The following RNF144B variants were observed in gnomAD, a reference collection of about 807,000 sequenced individuals.
RNF144B encodes ring finger protein 144B.
A neutral mutation model predicts 40.2 loss-of-function variants in RNF144B; 25 were observed. That is an observed-to-expected ratio of 0.62 (90% CI 0.45 to 0.87). The LOEUF is 0.87. Among genes scored for constraint, RNF144B ranks in the 40% least tolerant of loss-of-function variants. The pLI is 0.00. For synonymous variants in RNF144B, 145 were observed against 136.3 expected (o/e 1.06, Z -0.44); for missense variants, 365 against 373.7 (o/e 0.98, Z 0.19).
In RNF144B at chr6:18,465,727, G is replaced by C. The variant is rs2113545049; in HGVS notation, c.*660G>C. 1 of 152,348 alleles carries C rather than the reference G, an allele frequency of 6.6e-6. No individual in the cohort carries two copies. The highest frequency in any genetic ancestry group is 6.5e-5 in the Admixed American group (1 of 15,304). 9.4% of individuals were successfully genotyped at this position (152,348 alleles called of 1,614,324 possible). A position where few individuals can be genotyped will look rare whatever the true frequency, so the allele number is the denominator to read the frequency against. ...GTGCAGAGGGAGTTGCCCCTTCCCA[G>C]TAAAAGAGTTGCAGCCTGTTAAACA... is the stretch of plus-strand genomic sequence containing the variant. On this transcript the variant is annotated 3_prime_UTR_variant, in exon 8 of 8. Transcript: ENST00000259939.
rs925603783 is a variant in RNF144B, at chr6:18,460,989, T to C, written c.681+1238T>C. ...TTCTTTTCTCAGCTCTTTGTTTTGA[T>C]TGCTTGATTTGCTTTAATTCAACAA... On this transcript the variant is annotated intron_variant, in intron 6 of 7. Transcript: ENST00000259939. The surrounding 1 kb of genome is among the most constrained non-coding windows in gnomAD (Gnocchi z 4.4). Among the ~76,000 whole-genome samples, 1 of 152,222 alleles carries C rather than the reference T, an allele frequency of 6.6e-6. No homozygotes were observed. The highest frequency in any genetic ancestry group is 2.4e-5 in the African/African-American group (1 of 41,458).
In RNF144B at chr6:18,458,532, G is replaced by A. The variant is rs533616229; in HGVS notation, c.537-1075G>A. Among the ~76,000 whole-genome samples, 1 of 152,266 alleles carries A rather than the reference G, an allele frequency of 6.6e-6. No homozygotes were observed. Among genetic ancestry groups the A allele is most frequent in the African/African-American group, 2.4e-5 (1 of 41,562 alleles). On this transcript the variant is annotated intron_variant, in intron 5 of 7. Transcript: ENST00000259939. This position sits in a 1 kb window ranked among gnomAD's most constrained non-coding sequence, Gnocchi z 4.8. ...CCCTCTTAGCCGGATTCAAACCACTGTTGCCTACATTTTCGTGGCCATAGC... is the reference window on the plus strand; with the variant it reads ...CCCTCTTAGCCGGATTCAAACCACTATTGCCTACATTTTCGTGGCCATAGC...
rs1794467983 is a variant in RNF144B at position 18,387,394 on chromosome 6, G to A, written c.-273G>A. 1 of 1,159,966 alleles carries A rather than the reference G, an allele frequency of 8.6e-7. No individual in the cohort carries two copies. The highest frequency in any genetic ancestry group is 1.1e-6 in the Non-Finnish European group (1 of 924,210). The allele number at this position is 1,159,966 out of a possible 1,614,324, so 71.9% of individuals were successfully genotyped here. A position where few individuals can be genotyped will look rare whatever the true frequency, so the allele number is the denominator to read the frequency against. On this transcript the variant is annotated 5_prime_UTR_variant, in exon 1 of 8. Transcript: ENST00000259939. ...CGCTGCAACAGTCCCGGGCATCGCA[G>A]CTGCCAGTCAAGGCTAGGAGGCGGT... is the stretch of plus-strand genomic sequence containing the variant.
intron 2 of RNF144B, among the ~76,000 whole-genome samples, chr6:18,409,762 A>G (rs6929701): frequency 0.64 from 97,434 of 151,214 alleles, 31,644 homozygotes; most frequent in Non-Finnish European, 0.69. Context: ...TAGAGATGGG[A>G]TTTCACCTTG....
chr6:18,418,033 A>C lies in RNF144B; in HGVS notation c.166-9548A>C, dbSNP rs1795179119. The stretch of plus-strand genomic sequence containing the variant: ...ACAGGGCAATGCAAATCGAAACCAC[A>C]ATGATATTCGACTTCACATTAAGAT... On this transcript the variant is annotated intron_variant, in intron 2 of 7. Coordinates refer to ENST00000259939, the MANE Select transcript of RNF144B (RefSeq NM_182757.4). The surrounding 1 kb of genome is among the most constrained non-coding windows in gnomAD (Gnocchi z 5.2). Among the ~76,000 whole-genome samples, 1 of 152,202 alleles carries C rather than the reference A, an allele frequency of 6.6e-6. No homozygotes were observed. The highest frequency in any genetic ancestry group is 1.9e-4 in the East Asian group (1 of 5,196).
chr6:18,399,447 A>T, intron 1 of RNF144B, 52 bp from the exon 2 acceptor site: 2 of 1,327,142 alleles, frequency 1.5e-6, no homozygotes, highest in South Asian at 2.8e-5. Context: ...TGTTGGCTAA[A>T]CAATAGCTTT....
chr6:18,430,880 C>A (rs1196949828), intron 3 of RNF144B, among the ~76,000 whole-genome samples: 1 of 152,112 alleles, frequency 6.6e-6, no homozygotes, highest in Non-Finnish European at 1.5e-5. Context: ...TTCTCTTTAT[C>A]CAGTTTTACT....
intron 2 of RNF144B, 152 bp from the exon 3 acceptor site, chr6:18,427,429 C>G (rs1052024644): frequency 2.6e-5 from 14 of 535,252 alleles, no homozygotes; most frequent in Non-Finnish European, 4.0e-5. Context: ...AGTGATGGCT[C>G]TTAGTATTCA....
Position 18,463,312 on chromosome 6 carries a change from T to G in RNF144B, c.703T>G (p.Tyr235Asp). 1.2e-6 allele frequency: 2 copies of G among 1,606,888 alleles called. No individual in the cohort carries two copies. The highest frequency in any genetic ancestry group is 1.7e-6 in the Non-Finnish European group (2 of 1,173,434). ...TCAGAATGACATTTTCCTCAGACAT[T>G]ATGACAAAGGGCCATGCAGGAATAA... ...NLDNDIFLRH[Y>D]DKGPCRNKLG... The change falls in exon 7 of 8, where the codon TAT becomes GAT. Residue 235 changes from tyrosine to aspartate, a missense_variant. Tyr to Asp is a radical substitution (Grantham distance 160, BLOSUM62 -3). Transcript: ENST00000259939.
rs1359746087 is a variant in RNF144B, at chr6:18,446,283, A to C, written c.331+6539A>C. Among the ~76,000 whole-genome samples, 9 of 152,104 alleles carry C rather than the reference A, an allele frequency of 5.9e-5. No homozygotes were observed. In the South Asian group the frequency reaches 1.5e-3, roughly 25 times the overall value. ...GAATTATAATACATTTCCTTAAAAA[A>C]CCCAGCTCTTTTACCTTCCATTGGC... On this transcript the variant is annotated intron_variant, in intron 4 of 7. Coordinates refer to ENST00000259939, the MANE Select transcript of RNF144B (RefSeq NM_182757.4). This position sits in a 1 kb window ranked among gnomAD's most constrained non-coding sequence, Gnocchi z 4.7.
chr6:18,399,704 G>A lies in RNF144B; in HGVS notation c.165+5G>A, dbSNP rs1562040307. ...CAGTGCATCTTTTGCACAGCTGTGA[G>A]TTTTCCTTGATGCTTTCACTATGAG... On this transcript the variant is annotated splice_donor_5th_base_variant and intron_variant, in intron 2 of 7. Transcript: ENST00000259939. 6.2e-7 allele frequency: 1 copy of A among 1,608,000 alleles called. No homozygotes were observed. The highest frequency in any genetic ancestry group is 8.5e-7 in the Non-Finnish European group (1 of 1,175,136).
rs67653273 is a variant in RNF144B, at chr6:18,426,093, G to A, written c.166-1488G>A. ...ATGAGTAAAGATGGTCAATAACAGGGATAGATTTCACAATTACATCATCAA... is the reference window on the plus strand; with the variant it reads ...ATGAGTAAAGATGGTCAATAACAGGAATAGATTTCACAATTACATCATCAA... On this transcript the variant is annotated intron_variant, in intron 2 of 7. Coordinates refer to ENST00000259939, the MANE Select transcript of RNF144B (RefSeq NM_182757.4). Among the ~76,000 whole-genome samples, 1,444 of 152,206 alleles carry A rather than the reference G, an allele frequency of 9.5e-3. 21 individuals are homozygous for A. Among genetic ancestry groups the A allele is most frequent in the African/African-American group, 0.026 (1,081 of 41,524 alleles).
At chr6:18,407,400 G>T (rs1337872236) in intron 2 of RNF144B, among the ~76,000 whole-genome samples, 2 of 152,080 alleles carry the variant, frequency 1.3e-5, no homozygotes, top group Non-Finnish European at 2.9e-5. Context: ...GGGATAATAA[G>T]AAATCATCTC....
intron 3 of RNF144B, 141 bp downstream of exon 3, chr6:18,427,826 T>G: frequency 1.7e-6 from 1 of 592,466 alleles, no homozygotes; most frequent in Non-Finnish European, 3.0e-6. Flanking sequence ...TTATTGCAGC[T>G]TACCTTTGGA....
intron 2 of RNF144B, among the ~76,000 whole-genome samples, chr6:18,417,501 G>A (rs143292193): frequency 1.3e-5 from 2 of 152,200 alleles, no homozygotes; most frequent in East Asian, 3.9e-4. Context: ...TCAGCAAATG[G>A]TGCTGGACAA....
intron 4 of RNF144B, among the ~76,000 whole-genome samples, chr6:18,451,130 G>A (rs541786981): frequency 6.6e-6 from 1 of 152,256 alleles, no homozygotes; most frequent in East Asian, 1.9e-4. Flanking sequence ...CTCATGGGAT[G>A]CACTGTCATT....
rs1037315808 is a variant in RNF144B, at chr6:18,418,704, A to T, written c.166-8877A>T. On this transcript the variant is annotated intron_variant, in intron 2 of 7. Transcript: ENST00000259939. This position sits in a 1 kb window ranked among gnomAD's most constrained non-coding sequence, Gnocchi z 5.2. ...AAAAATACTGAATTGTACACTTTAG[A>T]TGGGTGCATTGTATGGGTACGTGAA... 6.6e-6 allele frequency among the ~76,000 whole-genome samples: 1 copy of T among 152,168 alleles called. No homozygotes were observed. The highest frequency in any genetic ancestry group is 1.5e-5 in the Non-Finnish European group (1 of 68,024).
intron 3 of RNF144B, among the ~76,000 whole-genome samples, chr6:18,437,884 C>T (rs1217329818): frequency 6.6e-6 from 1 of 152,094 alleles, no homozygotes; most frequent in Non-Finnish European, 1.5e-5. Context: ...ATAAATTGCT[C>T]ATCATTGAAA....
rs1344844113 is a variant in RNF144B, at chr6:18,405,222, G to T, written c.165+5523G>T. ...GGAGTCTTGCTCTGTTGCCCAGGCT[G>T]GAGTGCAGTGGCACAATCTCGGCTC... On this transcript the variant is annotated intron_variant, in intron 2 of 7. Transcript: ENST00000259939. This position sits in a 1 kb window ranked among gnomAD's most constrained non-coding sequence, Gnocchi z 4.5. Among the ~76,000 whole-genome samples the T allele has an allele frequency of 2.0e-5, 3 of 151,522 alleles. No homozygotes were observed. The East Asian group carries it at 5.8e-4, about 29-fold the overall frequency.
Sources: gnomAD v4.1 joint callset for allele counts (sites outside exome capture counted in the v4.1 genomes callset) on GRCh38, gnomAD v4.1.1 for gene constraint, Gnocchi (gnomAD v3.1) non-coding constraint, MANE v1.5 for transcripts, NCBI Gene and HGNC (gene_info 2026-07-23, HGNC 2026-07-21) for gene names.